Variants in APP observed in about 807,000 individuals in gnomAD.
APP encodes the protein amyloid-beta precursor protein.
In APP, 31 loss-of-function variants were observed where a neutral mutation model predicts 101.4. The ratio of observed to expected loss-of-function variants is 0.31; its 90% CI spans 0.23 to 0.41. The LOEUF is 0.41. Among genes scored for constraint, APP ranks in the 10% least tolerant of loss-of-function variants. APP has a pLI of 1.00. For synonymous variants in APP, 366 were observed against 364.4 expected (o/e 1.00, Z -0.05); for missense variants, 839 against 1,003.7 (o/e 0.84, Z 2.22).
At chr21:26,170,167 T>C (rs1281292971) in intron 1 of APP, among the ~76,000 whole-genome samples, 1 of 152,142 alleles carries the variant, frequency 6.6e-6, no homozygotes, top group Non-Finnish European at 1.5e-5. Context: ...AGGACTGGCT[T>C]TAGGGACGCT....
intron 8 of APP, among the ~76,000 whole-genome samples, chr21:25,990,807 T>A (rs7282534): frequency 1 from 152,256 of 152,256 alleles, 76,128 homozygotes; most frequent in Non-Finnish European, 1. Flanking sequence ...CAGGTATTGA[T>A]AGCCAGTACT....
chr21:26,132,990 C>G (rs193029539), intron 1 of APP, among the ~76,000 whole-genome samples: 3 of 152,224 alleles, frequency 2.0e-5, no homozygotes, highest in African/African-American at 7.2e-5. Flanking sequence ...GTAATCACAG[C>G]ACTTAGGGAG....
chr21:25,963,832 A>G (rs2041682759), intron 11 of APP, among the ~76,000 whole-genome samples: 1 of 152,134 alleles, frequency 6.6e-6, no homozygotes, highest in South Asian at 2.1e-4. Flanking sequence ...CTGAATTTTT[A>G]AAGTCTCCTG....
At chr21:25,951,513 A>T (rs186733882) in intron 13 of APP, among the ~76,000 whole-genome samples, 1 of 152,304 alleles carries the variant, frequency 6.6e-6, no homozygotes, top group Admixed American at 6.5e-5. Flanking sequence ...ATTTTTAGGG[A>T]CTTTAAAATT....
At position 25,914,914 on chromosome 21, in the gene APP, C is replaced by G. The variant is rs192427707; in HGVS notation, c.1688-2952G>C. On this transcript the variant is annotated intron_variant, in intron 13 of 17. Transcript: ENST00000346798. ...TTCTATTGTTTGTTTATAAATTACCCAGTCTCTGGTATCATGATAACAGCA... is the reference window on the plus strand; with the variant it reads ...TTCTATTGTTTGTTTATAAATTACCGAGTCTCTGGTATCATGATAACAGCA... 2.6e-5 allele frequency among the ~76,000 whole-genome samples: 4 copies of G among 152,264 alleles called. No individual in the cohort carries two copies. The East Asian group carries it at 7.7e-4, about 29-fold the overall frequency.
intron 6 of APP, among the ~76,000 whole-genome samples, chr21:26,001,828 C>A: frequency 2.2e-4 from 1 of 4,534 alleles, no homozygotes; most frequent in Non-Finnish European, 4.8e-4. Context: ...ATTAGCCAAT[C>A]AAAGACAAGG....
intron 5 of APP, among the ~76,000 whole-genome samples, chr21:26,039,174 A>G (rs2045262519): frequency 6.6e-6 from 1 of 152,128 alleles, no homozygotes; most frequent in African/African-American, 2.4e-5. Flanking sequence ...GATGTCATTC[A>G]TCTCTTTCCC....
chr21:25,980,253 C>T (rs1486553220), intron 9 of APP, among the ~76,000 whole-genome samples: 1 of 152,124 alleles, frequency 6.6e-6, no homozygotes, highest in East Asian at 1.9e-4. Flanking sequence ...GCTGAGCATT[C>T]GGTGTTTATT....
At chr21:26,125,980 T>C (rs558800618) in intron 1 of APP, among the ~76,000 whole-genome samples, 2 of 152,354 alleles carry the variant, frequency 1.3e-5, no homozygotes, top group African/African-American at 2.4e-5. Flanking sequence ...CTTTTTGACA[T>C]GTCTACAGAG....
chr21:25,885,353 G>GC (rs1331378032), intron 17 of APP, among the ~76,000 whole-genome samples: 2 of 152,242 alleles, frequency 1.3e-5, no homozygotes, highest in Non-Finnish European at 2.9e-5. Flanking sequence ...ACGACCCTGT[G>GC]CAGACAGGGC....
intron 11 of APP, among the ~76,000 whole-genome samples, chr21:25,969,155 C>T (rs189231598): frequency 1.0e-4 from 15 of 149,858 alleles, no homozygotes; most frequent in East Asian, 2.0e-4. Flanking sequence ...CTGGCTAACA[C>T]GGTGAAAGCC....
chr21:26,136,130 CA>C (rs566248174), intron 1 of APP, among the ~76,000 whole-genome samples: 1 of 50,410 alleles, frequency 2.0e-5, no homozygotes, highest in Admixed American at 2.6e-4. Flanking sequence ...GACTCTGTCT[CA>C]AAAAAGAAAA....
intron 6 of APP, among the ~76,000 whole-genome samples, chr21:26,010,488 G>A (rs2043743364): frequency 6.6e-6 from 1 of 152,012 alleles, no homozygotes; most frequent in Admixed American, 6.6e-5. Flanking sequence ...AATGTGCAAA[G>A]CAGTGATACA....
At chr21:25,939,068 G>A (rs1295217461) in intron 13 of APP, among the ~76,000 whole-genome samples, 2 of 152,218 alleles carry the variant, frequency 1.3e-5, no homozygotes, top group Non-Finnish European at 2.9e-5. Context: ...GACCACACAT[G>A]AGGAACTCCT....
At chr21:25,911,360 C>A (rs2039060514) in intron 14 of APP, among the ~76,000 whole-genome samples, 1 of 152,134 alleles carries the variant, frequency 6.6e-6, no homozygotes. Context: ...AGTGTTCACT[C>A]GAAGGATAAT....
intron 1 of APP, among the ~76,000 whole-genome samples, chr21:26,150,167 C>A (rs2063234456): frequency 6.6e-6 from 1 of 152,086 alleles, no homozygotes; most frequent in South Asian, 2.1e-4. Flanking sequence ...AGCATACACA[C>A]CATTTTAACA....
chr21:25,978,068 A>G (rs2146583859), intron 9 of APP, among the ~76,000 whole-genome samples: 1 of 152,356 alleles, frequency 6.6e-6, no homozygotes, highest in Admixed American at 6.5e-5. Context: ...TTTACCTCAT[A>G]CACTTTAAGA....
At chr21:25,964,773 T>C (rs576067911) in intron 11 of APP, among the ~76,000 whole-genome samples, 109 of 152,256 alleles carry the variant, frequency 7.2e-4, no homozygotes, top group South Asian at 2.7e-3. Context: ...GCTAATTTTG[T>C]ATTTTTAGTA....
intron 2 of APP, among the ~76,000 whole-genome samples, chr21:26,101,139 C>CA (rs2062048421): frequency 8.1e-6 from 1 of 123,240 alleles, no homozygotes; most frequent in Non-Finnish European, 1.6e-5. Context: ...CTCACTCTGT[C>CA]GCCAGGCTGG....
Sources: gnomAD v4.1 joint callset for allele counts (sites outside exome capture counted in the v4.1 genomes callset) on GRCh38, gnomAD v4.1.1 for gene constraint, MANE v1.5 for transcripts, NCBI Gene and HGNC (gene_info 2026-07-23, HGNC 2026-07-21) for gene names.